ADD3: variants seen among roughly 807,000 people sequenced by gnomAD.
ADD3 encodes the protein gamma-adducin.
In ADD3, 25 loss-of-function variants were observed where a neutral mutation model predicts 80.2. That is an observed-to-expected ratio of 0.31 (90% CI 0.23 to 0.44). The LOEUF is 0.44. ADD3 is among the 20% of genes least tolerant of loss of function. The pLI is 1.00. For synonymous variants in ADD3, 284 were observed against 289.6 expected, an observed-to-expected ratio of 0.98 and a Z score of 0.20; for missense variants, 829 against 847.5, an observed-to-expected ratio of 0.98 and a Z score of 0.27.
chr10:110,070,981 T>G (rs9733365), intron 1 of ADD3, among the ~76,000 whole-genome samples: 1 of 39,620 alleles, frequency 2.5e-5, no homozygotes, highest in African/African-American at 8.2e-5. Flanking sequence ...TTGTTGTTTT[T>G]GGGGGGGGGG....
intron 14 of ADD3, chr10:110,132,728 C>T (rs1372370096): frequency 1.3e-5 from 3 of 228,044 alleles, no homozygotes; most frequent in African/African-American, 7.0e-5. Flanking sequence ...GAGATCAAGA[C>T]CATCCTGGCT....
At chr10:110,127,887 TG>T (rs1461233593) in intron 12 of ADD3, among the ~76,000 whole-genome samples, 3 of 152,154 alleles carry the variant, frequency 2.0e-5, no homozygotes, top group African/African-American at 7.2e-5. Context: ...GATACATAGG[TG>T]GTAACAGTCT....
intron 1 of ADD3, among the ~76,000 whole-genome samples, chr10:110,078,861 A>C (rs1845683525): frequency 6.6e-6 from 1 of 152,200 alleles, no homozygotes; most frequent in Non-Finnish European, 1.5e-5. Flanking sequence ...GCTGGAGCAA[A>C]GCTTGCCAAC....
At chr10:110,126,273 G>A in intron 11 of ADD3, 144 bp from the exon 12 acceptor site, 1 of 645,968 alleles carries the variant, frequency 1.5e-6, no homozygotes, top group African/African-American at 1.8e-5. Context: ...TGTTAGGATG[G>A]TAAAAGAGGT....
intron 1 of ADD3, among the ~76,000 whole-genome samples, chr10:109,997,749 T>A (rs960468089): frequency 5.9e-5 from 9 of 152,244 alleles, no homozygotes; most frequent in African/African-American, 2.2e-4. Flanking sequence ...CTAAGGCAAA[T>A]ATTTGAAAGA....
chr10:110,030,952 T>C (rs1854935948), intron 1 of ADD3, among the ~76,000 whole-genome samples: 1 of 151,556 alleles, frequency 6.6e-6, no homozygotes, highest in Non-Finnish European at 1.5e-5. Flanking sequence ...TGGTGACTCC[T>C]GACCAGCTTC....
intron 1 of ADD3, among the ~76,000 whole-genome samples, chr10:110,099,592 G>A (rs1349106859): frequency 6.6e-6 from 1 of 152,156 alleles, no homozygotes; most frequent in Non-Finnish European, 1.5e-5. Flanking sequence ...TCTCAGTTAT[G>A]TATCTTATAT....
upstream of ADD3, among the ~76,000 whole-genome samples, chr10:110,004,424 G>A (rs1457862239): frequency 6.6e-6 from 1 of 152,104 alleles, no homozygotes; most frequent in Non-Finnish European, 1.5e-5. Context: ...GTCCCAGGCT[G>A]AGGCAGGAGA....
chr10:110,014,035 A>G (rs916960935), intron 1 of ADD3, among the ~76,000 whole-genome samples: 2 of 152,166 alleles, frequency 1.3e-5, no homozygotes, highest in Admixed American at 6.5e-5. Flanking sequence ...TTCTCATCCT[A>G]TCATCTTTTG....
intron 1 of ADD3, among the ~76,000 whole-genome samples, chr10:110,008,748 T>G (rs755348844): frequency 1.3e-5 from 2 of 152,084 alleles, no homozygotes; most frequent in Non-Finnish European, 2.9e-5. Context: ...GGAGCGAATG[T>G]TGGTTTTAGT....
At position 110,133,832 on chromosome 10, in the gene ADD3, T is replaced by C. The variant is rs1853382067; in HGVS notation, c.*214T>C. The C allele has an allele frequency of 5.0e-6, 2 of 396,292 alleles. No individual in the cohort carries two copies. The highest frequency in any genetic ancestry group is 5.9e-5 in the South Asian group (1 of 16,978). The allele number at this position is 396,292 out of a possible 1,614,324, so 24.5% of individuals were successfully genotyped here. On this transcript the variant is annotated 3_prime_UTR_variant, in exon 15 of 15. Transcript: ENST00000356080. ...ATGGCTTTGAATTTTAAGCAATTAC[T>C]AGTTTTAATTAGCTCTGCCCTCATG...
intron 9 of ADD3, 73 bp downstream of exon 9, chr10:110,122,365 A>G (rs1296372162): frequency 7.2e-6 from 10 of 1,386,046 alleles, no homozygotes; most frequent in Non-Finnish European, 9.0e-6. Flanking sequence ...CCATTTTTGT[A>G]GAACATGCTC....
chr10:110,086,160 C>G (rs1846716497), intron 1 of ADD3, among the ~76,000 whole-genome samples: 1 of 151,768 alleles, frequency 6.6e-6, no homozygotes. Flanking sequence ...GCCTGTAATT[C>G]TAGCACTTTG....
chr10:110,105,449 A>G (rs942276381), intron 2 of ADD3, among the ~76,000 whole-genome samples: 22 of 152,246 alleles, frequency 1.4e-4, no homozygotes, highest in Non-Finnish European at 1.8e-4. Flanking sequence ...TTCTGAATGC[A>G]TGGATGGATA....
At chr10:110,006,853 C>T (rs1851674353), upstream of ADD3, among the ~76,000 whole-genome samples, 1 of 151,150 alleles carries the variant, frequency 6.6e-6, no homozygotes, top group Non-Finnish European at 1.5e-5. Flanking sequence ...GCCTTGGAAA[C>T]GAAGGGGGAT....
At chr10:110,121,800 G>T (rs982058095) in intron 8 of ADD3, 2 of 204,228 alleles carry the variant, frequency 9.8e-6, no homozygotes, top group South Asian at 3.7e-4. Context: ...GGATAACCCT[G>T]GGAAAACTTC....
At chr10:110,014,286 C>T (rs1257011774) in intron 1 of ADD3, among the ~76,000 whole-genome samples, 1 of 152,100 alleles carries the variant, frequency 6.6e-6, no homozygotes, top group African/African-American at 2.4e-5. Flanking sequence ...AGAAGGTCAG[C>T]CTTTTAATAT....
In ADD3 at chr10:110,079,457, AGAGAGTGTGTGTGTGTGT is replaced by A. The variant is rs1347522898; in HGVS notation, c.-29-21166_-29-21149del. ...GAGAGAGAGAGAGAGAGAGAGAGAG[AGAGAGTGTGTGTGTGTGT>A]GTGTGTGTGTGTGTGTGTGTGTGTG... is the stretch of plus-strand genomic sequence containing the variant. On this transcript the variant is annotated intron_variant, in intron 1 of 14. Coordinates refer to ENST00000356080, the MANE Select transcript of ADD3 (RefSeq NM_016824.5). Among the ~76,000 whole-genome samples the A allele has an allele frequency of 1.3e-3, 162 of 121,172 alleles. 1 individual carries two copies. In the South Asian group the frequency reaches 0.018, roughly 14 times the overall value. The allele number at this position is 121,172 out of a possible 152,430, so 79.5% of individuals were successfully genotyped here.
chr10:110,073,593 G>C (rs1418467072), intron 1 of ADD3, among the ~76,000 whole-genome samples: 1 of 152,144 alleles, frequency 6.6e-6, no homozygotes, highest in Non-Finnish European at 1.5e-5. Context: ...AGATCTCTGA[G>C]GACACACAAG....
Sources: gnomAD v4.1 joint callset for allele counts (sites outside exome capture counted in the v4.1 genomes callset) on GRCh38, gnomAD v4.1.1 for gene constraint, MANE v1.5 for transcripts, NCBI Gene and HGNC (gene_info 2026-07-23, HGNC 2026-07-21) for gene names.